LDAH: variants seen among roughly 807,000 people sequenced by gnomAD.
LDAH encodes lipid droplet associated hydrolase.
In LDAH, 26 loss-of-function variants were observed where a neutral mutation model predicts 29.6. The observed-to-expected ratio is 0.88, with a 90% CI of 0.64 to 1.22. The LOEUF is 1.22. LDAH is among the 50% of genes most tolerant of loss of function. LDAH has a pLI of 0.00. For missense variants in LDAH, 344 were observed against 387.3 expected (o/e 0.89, Z 0.94); for synonymous variants, 117 against 133.0 (o/e 0.88, Z 0.83).
chr2:20,745,082 G>A (rs1189153464), intron 4 of LDAH, among the ~76,000 whole-genome samples: 1 of 152,104 alleles, frequency 6.6e-6, no homozygotes. Flanking sequence ...CTCCCTACAT[G>A]TGGAACTGGA....
intron 1 of LDAH, among the ~76,000 whole-genome samples, chr2:20,804,830 A>C (rs915121953): frequency 2.0e-5 from 3 of 152,206 alleles, no homozygotes; most frequent in Admixed American, 2.0e-4. Context: ...AGTGGAGACC[A>C]CTGTCCATTA....
At position 20,739,956 on chromosome 2, in the gene LDAH, A is replaced by T. The variant is rs1270912925; in HGVS notation, c.703+15T>A. 3.8e-6 allele frequency: 6 copies of T among 1,579,868 alleles called. No individual in the cohort carries two copies. The highest frequency in any genetic ancestry group is 5.2e-6 in the Non-Finnish European group (6 of 1,149,884). ...ATACAAGAATAAACATACACATTTT[A>T]AAATCTGTGCTTACCAAGGCAGAAT... On this transcript the variant is annotated intron_variant, in intron 5 of 6. Transcript: ENST00000237822.
At chr2:20,725,784 C>A (rs1157736443) in intron 5 of LDAH, among the ~76,000 whole-genome samples, 1 of 152,210 alleles carries the variant, frequency 6.6e-6, no homozygotes, top group Non-Finnish European at 1.5e-5. Context: ...CAGGAGTAGG[C>A]CTTTTGCCTT....
At chr2:20,701,956 A>G (rs1361801488) in intron 5 of LDAH, among the ~76,000 whole-genome samples, 1 of 152,220 alleles carries the variant, frequency 6.6e-6, no homozygotes, top group East Asian at 1.9e-4. Context: ...TACCAGACCA[A>G]TATGTGCTAT....
intron 5 of LDAH, among the ~76,000 whole-genome samples, chr2:20,731,332 T>C (rs1281499716): frequency 6.6e-6 from 1 of 152,182 alleles, no homozygotes; most frequent in Admixed American, 6.5e-5. Flanking sequence ...TTGTTTAAAG[T>C]GTGTGGCACC....
chr2:20,817,059 A>T (rs642963), intron 1 of LDAH, among the ~76,000 whole-genome samples: 150,565 of 152,136 alleles, frequency 0.99, 74,517 homozygotes, highest in Middle Eastern at 1. Flanking sequence ...GAGATGCAAC[A>T]AAAGCAATGC....
intron 4 of LDAH, among the ~76,000 whole-genome samples, chr2:20,771,571 T>C (rs1297946932): frequency 2.0e-5 from 3 of 152,214 alleles, no homozygotes; most frequent in Admixed American, 6.5e-5. Context: ...CCAGAGACAC[T>C]GAAATTTCAA....
intron 1 of LDAH, among the ~76,000 whole-genome samples, chr2:20,820,435 G>A (rs1673182222): frequency 6.6e-6 from 1 of 152,116 alleles, no homozygotes; most frequent in Non-Finnish European, 1.5e-5. Flanking sequence ...CAATGGAACA[G>A]AACAGAGCCC....
At chr2:20,775,839 G>A (rs936832277) in intron 3 of LDAH, among the ~76,000 whole-genome samples, 1 of 152,138 alleles carries the variant, frequency 6.6e-6, no homozygotes, top group African/African-American at 2.4e-5. Flanking sequence ...TTGTCTGTTT[G>A]TATGTTTATT....
At chr2:20,737,242 T>C (rs1666853384) in intron 5 of LDAH, among the ~76,000 whole-genome samples, 1 of 152,246 alleles carries the variant, frequency 6.6e-6, no homozygotes, top group South Asian at 2.1e-4. Context: ...CTACCTTGTA[T>C]AGTCTTCTTG....
rs1178610996 is a variant in LDAH at position 20,684,585 on chromosome 2, G to A, written c.*2318C>T. 2.4e-5 allele frequency: 6 copies of A among 253,172 alleles called. No homozygotes were observed. The highest frequency in any genetic ancestry group is 1.3e-4 in the African/African-American group (6 of 45,144). 15.7% of individuals were successfully genotyped at this position (253,172 alleles called of 1,614,324 possible). ...TAGGATGAAGAAAAATCAAGCCTTT[G>A]GTGGTCCGTGTCTCTCCAAAGGTTG... On this transcript the variant is annotated 3_prime_UTR_variant, in exon 7 of 7. Transcript: ENST00000237822.
At chr2:20,818,993 T>G (rs563127499) in intron 1 of LDAH, among the ~76,000 whole-genome samples, 36 of 152,254 alleles carry the variant, frequency 2.4e-4, no homozygotes, top group African/African-American at 8.4e-4. Context: ...GACTGCACAC[T>G]AACCCCAGTG....
intron 4 of LDAH, among the ~76,000 whole-genome samples, chr2:20,768,064 T>C (rs1317366129): frequency 1.3e-5 from 2 of 152,190 alleles, no homozygotes; most frequent in African/African-American, 4.8e-5. Context: ...TTCTCTGAGC[T>C]GTTTTATTGC....
intron 4 of LDAH, among the ~76,000 whole-genome samples, chr2:20,773,930 C>G (rs566697584): frequency 6.6e-6 from 1 of 152,132 alleles, no homozygotes; most frequent in Non-Finnish European, 1.5e-5. Flanking sequence ...ACCCCCTGAA[C>G]TGAAACAAGA....
intron 2 of LDAH, 115 bp downstream of exon 2, chr2:20,801,195 C>T (rs1026367468): frequency 4.5e-5 from 50 of 1,117,422 alleles, no homozygotes; most frequent in African/African-American, 6.3e-5. Context: ...ATGGGTCAAG[C>T]GATTTTAATT....
rs144781662 is a variant in LDAH, at chr2:20,707,609, C to A, written c.704-5957G>T. ...CGCTCCAGAGATCTGCAGAGGGGACCCCCTGAATTTCAGCTAGGTGCAGAT... is the reference window on the plus strand; with the variant it reads ...CGCTCCAGAGATCTGCAGAGGGGACACCCTGAATTTCAGCTAGGTGCAGAT... On this transcript the variant is annotated intron_variant, in intron 5 of 6. Transcript: ENST00000237822. Among the ~76,000 whole-genome samples, 626 of 152,084 alleles carry A rather than the reference C, an allele frequency of 4.1e-3. 4 individuals carry two copies. Among genetic ancestry groups the A allele is most frequent in the Admixed American group, 6.2e-3 (94 of 15,278 alleles).
At chr2:20,761,862 G>GA (rs1307039912) in intron 4 of LDAH, among the ~76,000 whole-genome samples, 4 of 136,994 alleles carry the variant, frequency 2.9e-5, no homozygotes, top group East Asian at 2.1e-4. Context: ...CACCTTAAAA[G>GA]AAAAAAAAAG....
At chr2:20,734,067 T>C (rs1572504854) in intron 5 of LDAH, among the ~76,000 whole-genome samples, 1 of 152,182 alleles carries the variant, frequency 6.6e-6, no homozygotes, top group African/African-American at 2.4e-5. Context: ...CAAATGTCTA[T>C]TAGGTAATTT....
intron 4 of LDAH, among the ~76,000 whole-genome samples, chr2:20,747,312 C>T (rs1011292858): frequency 2.0e-5 from 3 of 152,058 alleles, no homozygotes; most frequent in Non-Finnish European, 2.9e-5. Flanking sequence ...ATTATCACTG[C>T]CACCCTGCCT....
Sources: gnomAD v4.1 joint callset for allele counts (sites outside exome capture counted in the v4.1 genomes callset) on GRCh38, gnomAD v4.1.1 for gene constraint, MANE v1.5 for transcripts, NCBI Gene and HGNC (gene_info 2026-07-23, HGNC 2026-07-21) for gene names.